The following EPS8L3 variants were observed in gnomAD, a reference collection of about 807,000 sequenced individuals.
EPS8L3 encodes epidermal growth factor receptor kinase substrate 8-like protein 3.
In EPS8L3, 80 loss-of-function variants were observed where a neutral mutation model predicts 88.5. The observed-to-expected ratio is 0.90, with a 90% CI of 0.75 to 1.09. The LOEUF is 1.09. Ranked by LOEUF, EPS8L3 falls within the 50% of genes least tolerant of loss-of-function variation. The pLI is 0.00. For missense variants in EPS8L3, 721 were observed against 735.2 expected, an observed-to-expected ratio of 0.98 and a Z score of 0.22; for synonymous variants, 286 against 291.0, an observed-to-expected ratio of 0.98 and a Z score of 0.18.
At chr1:109,763,026 G>C (rs142365728) in intron 1 of EPS8L3, among the ~76,000 whole-genome samples, 41 of 152,332 alleles carry the variant, frequency 2.7e-4, no homozygotes, top group African/African-American at 8.9e-4. Flanking sequence ...TGTCTACATG[G>C]TACACCTCAG....
chr1:109,752,050 T>C lies in EPS8L3; in HGVS notation c.1379A>G (p.Glu460Gly), dbSNP rs752338902. Residue 460 changes from glutamate to glycine, a missense_variant, in exon 15 of 19, where the codon GAG becomes GGG. Glu to Gly is a moderately conservative substitution (Grantham distance 98). Coordinates refer to ENST00000361965, the MANE Select transcript of EPS8L3 (RefSeq NM_133181.4). Reference protein sequence around the residue: ...QPALKMQVLYEFEARNPRELT... With the variant: ...QPALKMQVLYGFEARNPRELT... Reference sequence around the variant, plus strand: ...TTCCCGTGGGTTCCTAGCTTCAAACTCGTACAAGACTTGCATTTTCAGGGC... The same window carrying C: ...TTCCCGTGGGTTCCTAGCTTCAAACCCGTACAAGACTTGCATTTTCAGGGC... The C allele has an allele frequency of 2.0e-5, 32 of 1,613,790 alleles. No homozygotes were observed. The highest frequency in any genetic ancestry group is 2.1e-5 in the Non-Finnish European group (25 of 1,179,944).
At chr1:109,751,053 G>C (rs1649744631) in intron 17 of EPS8L3, among the ~76,000 whole-genome samples, 1 of 152,190 alleles carries the variant, frequency 6.6e-6, no homozygotes, top group Admixed American at 6.5e-5. Flanking sequence ...TTCTTCCCGA[G>C]TCCACTCCCC....
chr1:109,750,858 C>T (rs2101385043), intron 17 of EPS8L3, 66 bp from the exon 18 acceptor site: 1 of 1,593,908 alleles, frequency 6.3e-7, no homozygotes, highest in Non-Finnish European at 8.6e-7. Flanking sequence ...AGCGTTTGGG[C>T]AGAGACAGGG....
rs1570699430 is a variant in EPS8L3, at chr1:109,759,317, T to G, written c.326A>C (p.Asn109Thr). The G allele has an allele frequency of 6.2e-7, 1 of 1,613,396 alleles. No homozygotes were observed. Reference sequence around the variant, plus strand: ...CTGCACGGTGATGGACAGGATGGAGTTGTAGGAACATGTGTTGAGCGCCAC... The same window carrying G: ...CTGCACGGTGATGGACAGGATGGAGGTGTAGGAACATGTGTTGAGCGCCAC... ...MNVALNTCSYNSILSITVQEP... is the reference protein window; with the variant it reads ...MNVALNTCSYTSILSITVQEP... Residue 109 changes from asparagine to threonine, a missense_variant, in exon 5 of 19, where the codon AAC becomes ACC. By Grantham distance (65) the Asn-to-Thr change is moderately conservative. Coordinates refer to ENST00000361965, the MANE Select transcript of EPS8L3 (RefSeq NM_133181.4). The surrounding 1 kb of genome is among the most constrained non-coding windows in gnomAD (Gnocchi z 4.2).
intron 12 of EPS8L3, among the ~76,000 whole-genome samples, chr1:109,755,088 T>C (rs1049502918): frequency 1.3e-5 from 2 of 152,208 alleles, no homozygotes; most frequent in Admixed American, 1.3e-4. Context: ...TTCTGATAGA[T>C]GAATGAATCG....
chr1:109,753,494 A>G (rs1432949722), intron 12 of EPS8L3, among the ~76,000 whole-genome samples: 2 of 152,176 alleles, frequency 1.3e-5, no homozygotes, highest in Admixed American at 6.5e-5. Context: ...CTGATTGGGC[A>G]TTTGGATTAA....
At chr1:109,756,634 CT>C (rs1324718128) in intron 12 of EPS8L3, among the ~76,000 whole-genome samples, 1 of 152,198 alleles carries the variant, frequency 6.6e-6, no homozygotes, top group Non-Finnish European at 1.5e-5. Flanking sequence ...CCAAGTCTTA[CT>C]GATATTACAT....
Position 109,757,135 on chromosome 1 carries a change from C to T in EPS8L3, c.1000G>A (p.Ala334Thr), listed in dbSNP as rs148326934. The T allele has an allele frequency of 5.2e-4, 839 of 1,612,974 alleles. 15 individuals carry two copies. In the South Asian group the frequency reaches 8.7e-3, roughly 17 times the overall value. The change falls in exon 12 of 19, where the codon GCA becomes ACA. Residue 334 changes from alanine to threonine, a missense_variant. By Grantham distance (58) the Ala-to-Thr change is moderately conservative. Transcript: ENST00000361965. ...ILARCPEAGL[A>T]AQVISPLLTP... ...AGGAGGGGTGAGATCACTTGGGCTG[C>T]TAGGCCAGCCTCAGGGCACCTGGCC...
Position 109,758,334 on chromosome 1 carries a change from C to T in EPS8L3, c.699G>A (p.Glu233=). 4 of 1,613,642 alleles carry T rather than the reference C, an allele frequency of 2.5e-6. No homozygotes were observed. The South Asian group carries it at 3.3e-5, about 13-fold the overall frequency. ...CAGTTACCTCGTCCCTCTCTGGGTC[C>T]TCGGGGGAAGAGGACCGCCTTGGAG... ...LPPPRRSSSP[E]DPERDEEVLN... is the part of the protein sequence containing the mutation. The change falls in exon 8 of 19, where the codon GAG becomes GAA. Residue 233 remains glutamate, a synonymous_variant. Coordinates refer to ENST00000361965, the MANE Select transcript of EPS8L3 (RefSeq NM_133181.4).
At chr1:109,755,377 C>T (rs116241869) in intron 12 of EPS8L3, among the ~76,000 whole-genome samples, 1,658 of 152,102 alleles carry the variant, frequency 0.011, 44 homozygotes, top group African/African-American at 0.039. Flanking sequence ...ACACTTAAAA[C>T]GGTTAAAATG....
intron 11 of EPS8L3, 58 bp downstream of exon 11, chr1:109,757,423 C>G: frequency 6.5e-7 from 1 of 1,527,742 alleles, no homozygotes; most frequent in East Asian, 2.3e-5. Flanking sequence ...TTTCCTCTCT[C>G]TACTCCTTCT....
chr1:109,751,444 A>C, intron 16 of EPS8L3, 93 bp from the exon 17 acceptor site: 1 of 1,414,252 alleles, frequency 7.1e-7, no homozygotes, highest in South Asian at 1.2e-5. Flanking sequence ...GGTTCCCATC[A>C]AATCACTTCT....
At chr1:109,754,805 A>C (rs1049297059) in intron 12 of EPS8L3, among the ~76,000 whole-genome samples, 38 of 152,284 alleles carry the variant, frequency 2.5e-4, no homozygotes, top group Middle Eastern at 3.4e-3. Flanking sequence ...AGCTATTCCC[A>C]CAGACAGTGG....
At chr1:109,762,119 C>T (rs941491971) in intron 1 of EPS8L3, among the ~76,000 whole-genome samples, 1 of 152,158 alleles carries the variant, frequency 6.6e-6, no homozygotes, top group Admixed American at 6.5e-5. Context: ...GCGTTCAGAT[C>T]CTATCTTGGG....
intron 2 of EPS8L3, 75 bp downstream of exon 2, chr1:109,761,644 G>T (rs1431954425): frequency 4.4e-6 from 7 of 1,606,782 alleles, no homozygotes; most frequent in Non-Finnish European, 6.0e-6. Flanking sequence ...TTGGTGTGAG[G>T]AAGGGGGAGT....
At position 109,751,336 on chromosome 1, in the gene EPS8L3, G is replaced by A. The variant is rs1228955090; in HGVS notation, c.1579C>T (p.Leu527Phe). ...GTGACCTCTTCAGGCCTCGAGCTAA[G>A]TCGAAGCATTGGAACCTAGAATCAG... The part of the protein sequence containing the change: ...QSPSRVPMLR[L>F]SSRPEEVTDW... Residue 527 changes from leucine to phenylalanine, a missense_variant, in exon 17 of 19, where the codon CTT (leucine) becomes TTT (phenylalanine). By Grantham distance (22) the Leu-to-Phe change is conservative (BLOSUM62 0). Transcript: ENST00000361965. 1.2e-6 allele frequency: 2 copies of A among 1,613,796 alleles called. No homozygotes were observed. Among genetic ancestry groups the A allele is most frequent in the East Asian group, 2.2e-5 (1 of 44,878 alleles).
At chr1:109,756,220 C>G (rs1388766278) in intron 12 of EPS8L3, among the ~76,000 whole-genome samples, 1 of 152,164 alleles carries the variant, frequency 6.6e-6, no homozygotes, top group Non-Finnish European at 1.5e-5. Flanking sequence ...TCCCCTGGCT[C>G]TCATCCGTTT....
chr1:109,755,720 G>A (rs909254873), intron 12 of EPS8L3, among the ~76,000 whole-genome samples: 2 of 152,222 alleles, frequency 1.3e-5, no homozygotes, highest in Non-Finnish European at 2.9e-5. Context: ...TCGAGAAGGT[G>A]AGGTAGGAGG....
intron 1 of EPS8L3, among the ~76,000 whole-genome samples, chr1:109,763,121 G>T (rs553779377): frequency 1.3e-5 from 2 of 152,318 alleles, no homozygotes; most frequent in East Asian, 3.9e-4. Flanking sequence ...TGAAAATGAC[G>T]TAGGATCTGA....
Sources: allele counts gnomAD v4.1 joint callset (sites outside exome capture counted in the v4.1 genomes callset), GRCh38; gene constraint gnomAD v4.1.1; non-coding constraint Gnocchi (gnomAD v3.1); transcripts MANE v1.5; gene names NCBI Gene and HGNC (gene_info 2026-07-23, HGNC 2026-07-21).